Variants in ARHGEF4 observed in about 807,000 individuals in gnomAD.
The protein encoded by ARHGEF4 is APC-stimulated guanine nucleotide exchange factor 1.
ARHGEF4 carries 119 observed loss-of-function variants against 162.0 expected under a neutral mutation model. That is an observed-to-expected ratio of 0.73 (90% CI 0.63 to 0.86). The LOEUF (loss-of-function observed/expected upper bound fraction) is 0.86, where lower values mean the gene tolerates loss of function less well. Among genes scored for constraint, ARHGEF4 ranks in the 40% least tolerant of loss-of-function variants. The pLI, the probability that ARHGEF4 is intolerant of heterozygous loss-of-function variation, is 0.00. For synonymous variants in ARHGEF4, 1,014 were observed against 979.9 expected (o/e 1.03, Z -0.65); for missense variants, 2,488 against 2,456.0 (o/e 1.01, Z -0.28).
intron 1 of ARHGEF4, among the ~76,000 whole-genome samples, chr2:130,893,159 G>A (rs1349893793): frequency 6.6e-6 from 1 of 152,174 alleles, no homozygotes; most frequent in African/African-American, 2.4e-5. Context: ...TTGCGAGCAC[G>A]TGCTTAATTA....
intron 1 of ARHGEF4, among the ~76,000 whole-genome samples, chr2:130,875,859 C>T (rs1431588586): frequency 6.6e-6 from 1 of 152,208 alleles, no homozygotes; most frequent in South Asian, 2.1e-4. Context: ...CAGTCATGCC[C>T]ACTCTAGTTA....
intron 4 of ARHGEF4, among the ~76,000 whole-genome samples, chr2:130,974,616 ATT>A (rs70994726): frequency 0.53 from 71,420 of 134,374 alleles, 18,622 homozygotes; most frequent in Admixed American, 0.63. Context: ...ACACCCAGCT[ATT>A]TTTTTTTTTT....
At chr2:130,901,423 G>C (rs552606080) in intron 1 of ARHGEF4, among the ~76,000 whole-genome samples, 1 of 152,096 alleles carries the variant, frequency 6.6e-6, no homozygotes, top group African/African-American at 2.4e-5. Flanking sequence ...CCTCTTGCTG[G>C]AACTTTGGCC....
At position 130,931,014 on chromosome 2, in the gene ARHGEF4, G is replaced by A. The variant is rs6718816; in HGVS notation, c.3615G>A (p.Ala1205=). Residue 1205 remains alanine, a synonymous_variant, in exon 3 of 14, where the codon GCG becomes GCA. Coordinates refer to ENST00000409359, the MANE Select transcript of ARHGEF4 (RefSeq NM_001367493.1). ...CCAGTTGCTCTCACAGTCAGAAGGC[G>A]TTCCACATGGAGCCTGCCCAGAAGC... is the stretch of plus-strand genomic sequence containing the variant. ...EKPSCSHSQK[A]FHMEPAQKPC... is the part of the protein sequence containing the mutation. 0.19 allele frequency: 308,350 copies of A among 1,613,538 alleles called. 32,266 individuals carry two copies. Among genetic ancestry groups the A allele is most frequent in the African/African-American group, 0.39 (28,990 of 74,932 alleles).
At chr2:130,986,541 T>C (rs1248061399) in intron 4 of ARHGEF4, among the ~76,000 whole-genome samples, 1 of 152,178 alleles carries the variant, frequency 6.6e-6, no homozygotes, top group Non-Finnish European at 1.5e-5. Flanking sequence ...GAAGAGGCCC[T>C]GTGCTGGCCA....
chr2:130,846,392 C>G (rs1680966532), intron 1 of ARHGEF4, among the ~76,000 whole-genome samples: 2 of 152,180 alleles, frequency 1.3e-5, no homozygotes, highest in Admixed American at 6.5e-5. Flanking sequence ...CAGGCAGGAC[C>G]AGGCTGCTGG....
At chr2:130,900,624 G>A (rs1256688775) in intron 1 of ARHGEF4, among the ~76,000 whole-genome samples, 3 of 152,106 alleles carry the variant, frequency 2.0e-5, no homozygotes, top group Non-Finnish European at 4.4e-5. Context: ...TATTGAAGCA[G>A]TTTTCTGGTG....
chr2:130,884,243 C>T (rs764852035), intron 1 of ARHGEF4, among the ~76,000 whole-genome samples: 12 of 151,768 alleles, frequency 7.9e-5, no homozygotes, highest in Admixed American at 3.9e-4. Context: ...CACACACACA[C>T]GCATACACAT....
intron 9 of ARHGEF4, 32 bp downstream of exon 9, chr2:131,041,494 A>G: frequency 6.3e-7 from 1 of 1,585,870 alleles, no homozygotes; most frequent in South Asian, 1.1e-5. Flanking sequence ...GAGGCAGCCC[A>G]CGCCTCTGCA....
In ARHGEF4 at chr2:130,916,839, A is replaced by C. The variant is rs771166848; in HGVS notation, c.2893A>C (p.Lys965Gln). 5.8e-6 allele frequency: 9 copies of C among 1,550,404 alleles called. No homozygotes were observed. The highest frequency in any genetic ancestry group is 7.8e-6 in the Non-Finnish European group (9 of 1,146,964). ...GAAAAGCAAAGATGCCGGAAGCCCC[A>C]AAAAGCCCACCCTAGTGAGTCTGCC... is the stretch of plus-strand genomic sequence containing the variant. ...FLKSKDAGSPKKPTLVSLPLG... is the reference protein window; with the variant it reads ...FLKSKDAGSPQKPTLVSLPLG... The change falls in exon 2 of 14, where the codon AAA (lysine) becomes CAA (glutamine). Residue 965 changes from lysine to glutamine, a missense_variant. Transcript: ENST00000409359.
In ARHGEF4 at chr2:130,915,843, A is replaced by C. The variant is rs1397894216; in HGVS notation, c.1897A>C (p.Ile633Leu). 24 of 1,538,112 alleles carry C rather than the reference A, an allele frequency of 1.6e-5. No individual in the cohort carries two copies. Among genetic ancestry groups the C allele is most frequent in the Admixed American group, 2.0e-5 (1 of 49,750 alleles). ...CTCGAGGGGCAGGGGCGCCCTCATC[A>C]TTGTAGCTGTGGAGCAGAAAGGTCT... ...EASRGRGALI[I>L]VAVEQKGLQA... The change falls in exon 2 of 14, where the codon ATT becomes CTT. Residue 633 changes from isoleucine to leucine, a missense_variant. By Grantham distance (5) the Ile-to-Leu change is conservative. Coordinates refer to ENST00000409359, the MANE Select transcript of ARHGEF4 (RefSeq NM_001367493.1).
At chr2:130,991,074 AAATG>A (rs1686920489) in intron 4 of ARHGEF4, among the ~76,000 whole-genome samples, 1 of 152,400 alleles carries the variant, frequency 6.6e-6, no homozygotes, top group Non-Finnish European at 1.5e-5. Context: ...AATATTTGAA[AAATG>A]AATGGATACA....
chr2:131,022,169 G>C (rs973313579), intron 4 of ARHGEF4, among the ~76,000 whole-genome samples: 1 of 152,160 alleles, frequency 6.6e-6, no homozygotes, highest in African/African-American at 2.4e-5. Flanking sequence ...TATAGAATGA[G>C]TTGGGAAGTA....
At chr2:130,926,629 C>T (rs1682304486) in intron 2 of ARHGEF4, among the ~76,000 whole-genome samples, 1 of 152,022 alleles carries the variant, frequency 6.6e-6, no homozygotes, top group African/African-American at 2.4e-5. Flanking sequence ...CTATTGACAC[C>T]TTATGCAAGG....
chr2:130,847,486 A>G (rs1681066436), intron 1 of ARHGEF4, among the ~76,000 whole-genome samples: 1 of 152,192 alleles, frequency 6.6e-6, no homozygotes, highest in African/African-American at 2.4e-5. Context: ...CTCAGTCTTC[A>G]TATCTGTAAA....
chr2:130,901,996 C>G lies in ARHGEF4; in HGVS notation c.40-11990C>G, dbSNP rs1050475761. Among the ~76,000 whole-genome samples the G allele has an allele frequency of 3.3e-5, 5 of 152,296 alleles. No individual in the cohort carries two copies. The Middle Eastern group carries it at 0.014, about 414-fold the overall frequency. The stretch of plus-strand genomic sequence containing the variant: ...AAGTGGTTTACCCTGCCTTCCTTGT[C>G]TTTTCACTCAGAAACCCCAAGAATG... On this transcript the variant is annotated intron_variant, in intron 1 of 13. Coordinates refer to ENST00000409359, the MANE Select transcript of ARHGEF4 (RefSeq NM_001367493.1).
In ARHGEF4 at chr2:130,916,973, C is replaced by G. The variant is rs1312802552; in HGVS notation, c.3027C>G (p.Ala1009=). Residue 1009 remains alanine (A), a synonymous_variant, in exon 2 of 14, where the codon GCC becomes GCG. Coordinates refer to ENST00000409359, the MANE Select transcript of ARHGEF4 (RefSeq NM_001367493.1). ...GCGATCACTGGGCACCCCCACTTGCCTCCACACCTTTGTCCTCCAGTTTAG... is the reference window on the plus strand; with the variant it reads ...GCGATCACTGGGCACCCCCACTTGCGTCCACACCTTTGTCCTCCAGTTTAG... ...VFSDHWAPPL[A]STPLSSSLVS... is the part of the protein sequence containing the mutation. The G allele has an allele frequency of 3.2e-6, 5 of 1,550,956 alleles. No individual in the cohort carries two copies. Among genetic ancestry groups the G allele is most frequent in the East Asian group, 2.4e-5 (1 of 40,912 alleles).
chr2:130,934,930 T>C (rs1016997782), intron 3 of ARHGEF4, among the ~76,000 whole-genome samples: 12 of 152,242 alleles, frequency 7.9e-5, no homozygotes, highest in African/African-American at 2.7e-4. Flanking sequence ...TCTGTTGATA[T>C]ACAATTGTCC....
chr2:131,016,172 C>A (rs941615450), intron 4 of ARHGEF4, among the ~76,000 whole-genome samples: 1 of 152,136 alleles, frequency 6.6e-6, no homozygotes, highest in Admixed American at 6.5e-5. Context: ...TACCCTGACA[C>A]CTCCCAACGT....
Sources: gnomAD v4.1 joint callset for allele counts (sites outside exome capture counted in the v4.1 genomes callset) on GRCh38, gnomAD v4.1.1 for gene constraint, MANE v1.5 for transcripts, NCBI Gene and HGNC (gene_info 2026-07-23, HGNC 2026-07-21) for gene names.